RGS9: variants seen among roughly 807,000 people sequenced by gnomAD.
RGS9 encodes the protein regulator of G-protein signalling 9.
Under a neutral mutation model 102.0 loss-of-function variants are expected in RGS9, and 78 were observed. The ratio of observed to expected loss-of-function variants is 0.76; its 90% CI spans 0.64 to 0.92. The LOEUF (loss-of-function observed/expected upper bound fraction) is 0.92, where lower values mean the gene tolerates loss of function less well. RGS9 is among the 40% of genes least tolerant of loss of function. The pLI, the probability that RGS9 is intolerant of heterozygous loss-of-function variation, is 0.00. For missense variants in RGS9, 833 were observed against 866.1 expected (o/e 0.96, Z 0.48); for synonymous variants, 353 against 318.6 (o/e 1.11, Z -1.15).
At chr17:65,180,482 C>T (rs150570879) in intron 9 of RGS9, among the ~76,000 whole-genome samples, 25 of 152,096 alleles carry the variant, frequency 1.6e-4, no homozygotes, top group African/African-American at 5.3e-4. Context: ...AGAGTAGCCG[C>T]GATTACAGGT....
In RGS9 at chr17:65,201,987, A is replaced by G. The variant is rs906493455; in HGVS notation, c.977-6A>G. 3 of 1,598,144 alleles carry G rather than the reference A, an allele frequency of 1.9e-6. No individual in the cohort carries two copies. The African/African-American group carries it at 4.0e-5, about 21-fold the overall frequency. On this transcript the variant is annotated splice_polypyrimidine_tract_variant and splice_region_variant and intron_variant, in intron 13 of 18. Coordinates refer to ENST00000262406, the MANE Select transcript of RGS9 (RefSeq NM_003835.4). ...CCCTCATCCACGTGGACTTCTCACC[A>G]TGCAGGAGAGAATCTGGGATTCTGG...
Position 65,161,315 on chromosome 17 carries a change from G to C in RGS9, c.423+406G>C, listed in dbSNP as rs1184301874. Among the ~76,000 whole-genome samples, 5 of 152,190 alleles carry C rather than the reference G, an allele frequency of 3.3e-5. No individual in the cohort carries two copies. In the East Asian group the frequency reaches 9.6e-4, roughly 29 times the overall value. ...TGCCTGGGCTGAAGTACAGTGGCAT[G>C]ATCTCAGCTCACTGCAACCTCCACC... On this transcript the variant is annotated intron_variant, in intron 6 of 18. Transcript: ENST00000262406.
intron 17 of RGS9, 137 bp from the exon 18 acceptor site, chr17:65,224,865 G>C (rs1440234022): frequency 2.5e-6 from 3 of 1,199,712 alleles, no homozygotes; most frequent in Non-Finnish European, 3.6e-6. Context: ...ACCGTTCCCA[G>C]CTCCCTAGGA....
chr17:65,199,299 T>G (rs1200178053), intron 13 of RGS9, among the ~76,000 whole-genome samples: 1 of 152,148 alleles, frequency 6.6e-6, no homozygotes, highest in Non-Finnish European at 1.5e-5. Context: ...TAGAATCATC[T>G]TCTATTCCTG....
At chr17:65,169,541 G>T (rs1223223781) in intron 8 of RGS9, among the ~76,000 whole-genome samples, 1 of 152,208 alleles carries the variant, frequency 6.6e-6, no homozygotes, top group Non-Finnish European at 1.5e-5. Flanking sequence ...GCCACATTTG[G>T]CAAGACACCT....
chr17:65,187,598 G>C (rs1912171897), intron 9 of RGS9, among the ~76,000 whole-genome samples: 1 of 152,156 alleles, frequency 6.6e-6, no homozygotes, highest in African/African-American at 2.4e-5. Flanking sequence ...TTATTTTGCT[G>C]ACTGCCTCAA....
Position 65,193,563 on chromosome 17 carries a change from A to C in RGS9, c.767A>C (p.Gln256Pro), listed in dbSNP as rs745821836. The C allele has an allele frequency of 1.9e-6, 3 of 1,612,098 alleles. No homozygotes were observed. ...SLGGIVKYSE[Q>P]FSSNDAIMSG... ...TTCAGGATTGTGAAATACAGTGAGC[A>C]GTTCTCATCCAACGATGCCATCATG... The change falls in exon 12 of 19, where the codon CAG (glutamine) becomes CCG (proline). Residue 256 changes from glutamine (Q) to proline (P), a missense_variant. This residue lies in a region of RGS9 where 328 missense variants were observed against 340.6 expected (regional missense o/e 0.96). Coordinates refer to ENST00000262406, the MANE Select transcript of RGS9 (RefSeq NM_003835.4).
intron 15 of RGS9, among the ~76,000 whole-genome samples, chr17:65,207,018 G>A (rs973031669): frequency 2.0e-5 from 3 of 152,170 alleles, no homozygotes; most frequent in Admixed American, 6.6e-5. Flanking sequence ...CCCATATTGG[G>A]TATGACTAGA....
chr17:65,160,122 G>C (rs1439491129), intron 3 of RGS9, 111 bp from the exon 4 acceptor site: 4 of 831,262 alleles, frequency 4.8e-6, no homozygotes, highest in Non-Finnish European at 6.3e-6. Flanking sequence ...ATGAGATGCA[G>C]TGCTGTTAGG....
chr17:65,227,162 CTT>C, intron 18 of RGS9, 111 bp from the exon 19 acceptor site: 1 of 1,476,460 alleles, frequency 6.8e-7, no homozygotes, highest in Non-Finnish European at 9.4e-7. Context: ...CCACCACAGT[CTT>C]TGGCAAATGC....
intron 8 of RGS9, among the ~76,000 whole-genome samples, chr17:65,177,329 C>A (rs950307627): frequency 1.3e-4 from 20 of 151,948 alleles, no homozygotes; most frequent in Admixed American, 1.2e-3. Context: ...GTCTGGCCAT[C>A]CATCCATCCA....
At chr17:65,199,488 C>CTTT (rs3034101) in intron 13 of RGS9, among the ~76,000 whole-genome samples, 44 of 108,314 alleles carry the variant, frequency 4.1e-4, no homozygotes, top group Non-Finnish European at 5.5e-4. Context: ...GCTTCTGTTC[C>CTTT]TTTTTTTTTT....
Position 65,204,291 on chromosome 17 carries a change from T to C in RGS9, c.1193T>C (p.Leu398Pro). 1 of 1,613,670 alleles carries C rather than the reference T, an allele frequency of 6.2e-7. No individual in the cohort carries two copies. Among genetic ancestry groups the C allele is most frequent in the East Asian group, 2.2e-5 (1 of 44,892 alleles). Residue 398 changes from leucine to proline, a missense_variant, in exon 15 of 19, where the codon CTC (leucine) becomes CCC (proline). Physicochemically the swap from Leu to Pro is moderately conservative, Grantham distance 98 (BLOSUM62 -3). Transcript: ENST00000262406. ...LDAAQTHIYM[L>P]MKKDSYARYL... ...GCCGCACAAACCCACATTTACATGCTCATGAAGAAGGTAGGTGGGTCCGTG... is the reference window on the plus strand; with the variant it reads ...GCCGCACAAACCCACATTTACATGCCCATGAAGAAGGTAGGTGGGTCCGTG...
At chr17:65,177,082 C>G (rs1003537123) in intron 8 of RGS9, among the ~76,000 whole-genome samples, 6 of 144,642 alleles carry the variant, frequency 4.1e-5, no homozygotes, top group African/African-American at 1.7e-4. Context: ...TCCATCCATC[C>G]ATCCATCCAT....
At chr17:65,177,667 C>A in intron 8 of RGS9, 65 bp from the exon 9 acceptor site, 4 of 1,468,118 alleles carry the variant, frequency 2.7e-6, no homozygotes, top group Non-Finnish European at 3.8e-6. Context: ...TAACCAAGAC[C>A]CACAGTTAAC....
chr17:65,205,527 T>A (rs908673083), intron 15 of RGS9, among the ~76,000 whole-genome samples: 1 of 152,170 alleles, frequency 6.6e-6, no homozygotes, highest in African/African-American at 2.4e-5. Flanking sequence ...ATATAGGTTA[T>A]GTGATATAGG....
chr17:65,213,105 G>A (rs1462179832), intron 17 of RGS9, among the ~76,000 whole-genome samples: 1 of 152,164 alleles, frequency 6.6e-6, no homozygotes, highest in Non-Finnish European at 1.5e-5. Context: ...GTGAAATGAG[G>A]TATCAGGACC....
At chr17:65,219,626 T>C (rs1220262486) in intron 17 of RGS9, among the ~76,000 whole-genome samples, 4 of 152,236 alleles carry the variant, frequency 2.6e-5, no homozygotes, top group Non-Finnish European at 4.4e-5. Context: ...ATTTCCTTTA[T>C]AGAGTTCCAT....
At position 65,214,159 on chromosome 17, in the gene RGS9, C is replaced by T. The variant is rs554055509; in HGVS notation, c.1407+3554C>T. 1.4e-4 allele frequency among the ~76,000 whole-genome samples: 21 copies of T among 152,184 alleles called. No individual in the cohort carries two copies. The South Asian group carries it at 3.5e-3, about 26-fold the overall frequency. Reference sequence around the variant, plus strand: ...TGTATTTTTTGTACAGATTGGGTTTCGCCATGTTGACCAGGCTGGTCTTGA... The same window carrying T: ...TGTATTTTTTGTACAGATTGGGTTTTGCCATGTTGACCAGGCTGGTCTTGA... On this transcript the variant is annotated intron_variant, in intron 17 of 18. Transcript: ENST00000262406.
Sources: allele counts gnomAD v4.1 joint callset (sites outside exome capture counted in the v4.1 genomes callset), GRCh38; gene constraint gnomAD v4.1.1; regional missense constraint gnomAD v4.1.1; transcripts MANE v1.5; gene names NCBI Gene and HGNC (gene_info 2026-07-23, HGNC 2026-07-21).